Variants in PPP2R2B observed in about 807,000 individuals in gnomAD.
PPP2R2B encodes protein phosphatase 2 regulatory subunit Bbeta.
In PPP2R2B, 5 loss-of-function variants were observed where a neutral mutation model predicts 46.0. The observed-to-expected ratio is 0.11, with a 90% CI of 0.06 to 0.23. PPP2R2B has a LOEUF of 0.23. PPP2R2B is among the 10% of genes least tolerant of loss of function. PPP2R2B has a pLI of 1.00. For synonymous variants in PPP2R2B, 215 were observed against 206.7 expected (o/e 1.04, Z -0.34); for missense variants, 367 against 575.0 (o/e 0.64, Z 3.70).
intron 1 of PPP2R2B, among the ~76,000 whole-genome samples, chr5:146,948,138 T>C (rs1046240463): frequency 1.3e-5 from 2 of 152,042 alleles, no homozygotes; most frequent in African/African-American, 4.8e-5. Flanking sequence ...CAAATACTTT[T>C]TGAGACTGTC....
intron 1 of PPP2R2B, among the ~76,000 whole-genome samples, chr5:146,892,285 T>G (rs1179434742): frequency 6.6e-6 from 1 of 152,188 alleles, no homozygotes; most frequent in Non-Finnish European, 1.5e-5. Flanking sequence ...ATAGTGGGTT[T>G]GCACACATGC....
intron 2 of PPP2R2B, among the ~76,000 whole-genome samples, chr5:146,805,676 A>G (rs1214559562): frequency 6.6e-6 from 1 of 152,118 alleles, no homozygotes; most frequent in Non-Finnish European, 1.5e-5. Context: ...GCACCCTAGG[A>G]AAAAAATGGA....
intron 1 of PPP2R2B, among the ~76,000 whole-genome samples, chr5:146,986,902 G>A (rs139799575): frequency 6.6e-5 from 10 of 151,994 alleles, no homozygotes; most frequent in African/African-American, 2.2e-4. Context: ...AATAGGTAGG[G>A]GAAGCCCAAA....
At chr5:146,890,058 T>C (rs965362378) in intron 1 of PPP2R2B, among the ~76,000 whole-genome samples, 13 of 152,364 alleles carry the variant, frequency 8.5e-5, no homozygotes, top group African/African-American at 2.9e-4. Context: ...TTCTTAACTT[T>C]TGTTTTGCGT....
chr5:147,005,431 T>C (rs1465615030), intron 1 of PPP2R2B, among the ~76,000 whole-genome samples: 1 of 152,228 alleles, frequency 6.6e-6, no homozygotes, highest in Non-Finnish European at 1.5e-5. Context: ...ATAGCAAGTA[T>C]GCTTATCTAA....
intron 1 of PPP2R2B, among the ~76,000 whole-genome samples, chr5:147,014,601 T>C (rs1243195357): frequency 4.6e-5 from 7 of 151,778 alleles, no homozygotes; most frequent in Non-Finnish European, 7.4e-5. Flanking sequence ...ATGGATGAAA[T>C]TGGAAAACAT....
intron 2 of PPP2R2B, among the ~76,000 whole-genome samples, chr5:146,805,755 A>G (rs1344396271): frequency 6.6e-6 from 1 of 152,124 alleles, no homozygotes; most frequent in Non-Finnish European, 1.5e-5. Flanking sequence ...ACAAGTTGAG[A>G]CTATGCAGAG....
intron 2 of PPP2R2B, among the ~76,000 whole-genome samples, chr5:146,737,293 C>G (rs1443162683): frequency 6.6e-6 from 1 of 152,192 alleles, no homozygotes; most frequent in Non-Finnish European, 1.5e-5. Flanking sequence ...GTGTCTACTT[C>G]ATGCAAAGAC....
chr5:147,062,313 A>G (rs1757283521), intron 2 of PPP2R2B, among the ~76,000 whole-genome samples: 1 of 152,152 alleles, frequency 6.6e-6, no homozygotes, highest in Non-Finnish European at 1.5e-5. Flanking sequence ...TACTCTTCTC[A>G]GAATGTTTCC....
intron 2 of PPP2R2B, among the ~76,000 whole-genome samples, chr5:146,733,396 C>T (rs1752346888): frequency 6.6e-6 from 1 of 151,930 alleles, no homozygotes; most frequent in Non-Finnish European, 1.5e-5. Flanking sequence ...CAGCAGATAC[C>T]CCAACAGAAC....
At chr5:146,790,639 AC>A (rs1200209473) in intron 2 of PPP2R2B, among the ~76,000 whole-genome samples, 1 of 152,204 alleles carries the variant, frequency 6.6e-6, no homozygotes, top group African/African-American at 2.4e-5. Flanking sequence ...CTCTGAGCAC[AC>A]CTGCACTGAG....
intron 1 of PPP2R2B, among the ~76,000 whole-genome samples, chr5:147,025,200 AAGATACAATT>A (rs1004413225): frequency 1.3e-5 from 2 of 152,060 alleles, no homozygotes; most frequent in East Asian, 3.9e-4. Flanking sequence ...GACAATTTCT[AAGATACAATT>A]TAACAAAACT....
intron 1 of PPP2R2B, among the ~76,000 whole-genome samples, chr5:146,933,450 T>G (rs1341454625): frequency 6.6e-6 from 1 of 152,048 alleles, no homozygotes; most frequent in Non-Finnish European, 1.5e-5. Flanking sequence ...TCCCATTCTC[T>G]CTCAGATAAG....
intron 2 of PPP2R2B, among the ~76,000 whole-genome samples, chr5:146,849,865 G>A (rs2125443): frequency 0.19 from 28,967 of 151,956 alleles, 2,842 homozygotes; most frequent in East Asian, 0.35. Flanking sequence ...ATACATCCTC[G>A]AAGTTCCTGA....
intron 1 of PPP2R2B, among the ~76,000 whole-genome samples, chr5:146,962,507 A>T (rs1744202154): frequency 6.6e-6 from 1 of 151,976 alleles, no homozygotes; most frequent in South Asian, 2.1e-4. Flanking sequence ...AAATACAAAA[A>T]GTAGCTGGGC....
chr5:146,697,840 C>T, intron 4 of PPP2R2B, 139 bp downstream of exon 4: 1 of 753,020 alleles, frequency 1.3e-6, no homozygotes, highest in Non-Finnish European at 2.0e-6. Context: ...GCCAGGCACT[C>T]TGCTAAGCAT....
chr5:146,682,444 C>T (rs1778235653), intron 5 of PPP2R2B, among the ~76,000 whole-genome samples: 2 of 152,178 alleles, frequency 1.3e-5, no homozygotes, highest in African/African-American at 4.8e-5. Context: ...ACTTTATCAG[C>T]CCAACCTCTG....
intron 1 of PPP2R2B, among the ~76,000 whole-genome samples, chr5:146,908,531 T>C (rs1021645666): frequency 2.0e-5 from 3 of 152,022 alleles, no homozygotes; most frequent in Admixed American, 6.5e-5. Context: ...TTAGATTTTT[T>C]TTTTTTTTTG....
chr5:146,827,817 T>C (rs1162520889), intron 2 of PPP2R2B, among the ~76,000 whole-genome samples: 2 of 152,272 alleles, frequency 1.3e-5, no homozygotes, highest in Admixed American at 1.3e-4. Flanking sequence ...AATCCTTTAA[T>C]TCTGTCGGTA....
Sources: allele counts gnomAD v4.1 joint callset (sites outside exome capture counted in the v4.1 genomes callset), GRCh38; gene constraint gnomAD v4.1.1; transcripts MANE v1.5; gene names NCBI Gene and HGNC (gene_info 2026-07-23, HGNC 2026-07-21).